The following SLIT2 variants were observed in gnomAD, a reference collection of about 807,000 sequenced individuals.
SLIT2 encodes the protein slit homolog 2 protein.
A neutral mutation model predicts 185.7 loss-of-function variants in SLIT2; 41 were observed. That is an observed-to-expected ratio of 0.22 (90% CI 0.17 to 0.29). SLIT2 has a LOEUF of 0.29. Ranked by LOEUF, SLIT2 falls within the 10% of genes least tolerant of loss-of-function variation. The pLI, the probability that SLIT2 is intolerant of heterozygous loss-of-function variation, is 1.00. For missense variants in SLIT2, 1,571 were observed against 1,909.0 expected (o/e 0.82, Z 3.30); for synonymous variants, 693 against 680.2 (o/e 1.02, Z -0.29).
chr4:20,274,517 G>C (rs190592541), intron 4 of SLIT2, among the ~76,000 whole-genome samples: 1 of 152,034 alleles, frequency 6.6e-6, no homozygotes, highest in Admixed American at 6.6e-5. Context: ...TGATTTAAAC[G>C]TCCTAAATCC....
intron 4 of SLIT2, among the ~76,000 whole-genome samples, chr4:20,311,059 T>A (rs1718061748): frequency 6.6e-6 from 1 of 152,208 alleles, no homozygotes; most frequent in South Asian, 2.1e-4. Flanking sequence ...AATTATTTTT[T>A]TAATTTTTTG....
At chr4:20,300,608 A>G (rs932231208) in intron 4 of SLIT2, among the ~76,000 whole-genome samples, 1 of 151,398 alleles carries the variant, frequency 6.6e-6, no homozygotes, top group Non-Finnish European at 1.5e-5. Context: ...AGACATGCAC[A>G]CACACACACA....
chr4:20,291,483 TATATATATA>T (rs1421674802), intron 4 of SLIT2, among the ~76,000 whole-genome samples: 17 of 10,520 alleles, frequency 1.6e-3, no homozygotes, highest in South Asian at 4.5e-3. Context: ...TATATATATA[TATATATATA>T]TTTTTTTTTT....
At chr4:20,471,224 C>T (rs1714969809) in intron 5 of SLIT2, among the ~76,000 whole-genome samples, 1 of 151,866 alleles carries the variant, frequency 6.6e-6, no homozygotes, top group African/African-American at 2.4e-5. Flanking sequence ...AAAAATAGTT[C>T]AAACTACATT....
At chr4:20,368,337 A>G (rs868474630) in intron 4 of SLIT2, among the ~76,000 whole-genome samples, 3 of 151,594 alleles carry the variant, frequency 2.0e-5, no homozygotes, top group Admixed American at 6.6e-5. Context: ...TAATAATAAT[A>G]AAATTTAAAA....
chr4:20,569,810 G>A (rs538815393), intron 29 of SLIT2, among the ~76,000 whole-genome samples: 20 of 152,012 alleles, frequency 1.3e-4, no homozygotes, highest in African/African-American at 2.6e-4. Context: ...CAAAGTTGCC[G>A]TTTTCATTTT....
At chr4:20,582,190 C>T (rs561201839) in intron 29 of SLIT2, among the ~76,000 whole-genome samples, 7 of 152,290 alleles carry the variant, frequency 4.6e-5, no homozygotes, top group South Asian at 4.1e-4. Flanking sequence ...CATGTTTTCC[C>T]GGGCTCACTC....
intron 29 of SLIT2, among the ~76,000 whole-genome samples, chr4:20,586,180 A>G (rs1374377121): frequency 6.6e-6 from 1 of 152,186 alleles, no homozygotes; most frequent in Admixed American, 6.5e-5. Flanking sequence ...CAATATAATT[A>G]AGGAAAATTA....
chr4:20,382,573 T>C (rs1288210166), intron 4 of SLIT2, among the ~76,000 whole-genome samples: 1 of 152,148 alleles, frequency 6.6e-6, no homozygotes, highest in African/African-American at 2.4e-5. Flanking sequence ...GATCAGAGAA[T>C]ACGAAATATA....
At chr4:20,587,186 T>G (rs1409495462) in intron 29 of SLIT2, among the ~76,000 whole-genome samples, 4 of 151,920 alleles carry the variant, frequency 2.6e-5, no homozygotes, top group African/African-American at 9.7e-5. Flanking sequence ...ACCCAGCTAA[T>G]TTTTGTATTT....
intron 4 of SLIT2, among the ~76,000 whole-genome samples, chr4:20,349,122 T>G (rs1343496550): frequency 6.6e-6 from 1 of 152,134 alleles, no homozygotes; most frequent in Admixed American, 6.6e-5. Context: ...ATATAGGAAT[T>G]CGGTGTGGAC....
At chr4:20,535,322 A>T (rs1328682035) in intron 18 of SLIT2, among the ~76,000 whole-genome samples, 3 of 151,876 alleles carry the variant, frequency 2.0e-5, no homozygotes, top group East Asian at 3.9e-4. Context: ...GAAAAGAAAG[A>T]TACTGAGGAA....
At chr4:20,399,759 G>A (rs576142981) in intron 4 of SLIT2, among the ~76,000 whole-genome samples, 1 of 151,832 alleles carries the variant, frequency 6.6e-6, no homozygotes, top group East Asian at 1.9e-4. Flanking sequence ...GTAAGAGGGT[G>A]TCTCTCCTAG....
intron 4 of SLIT2, among the ~76,000 whole-genome samples, chr4:20,303,761 G>A (rs914766300): frequency 1.3e-5 from 2 of 152,186 alleles, no homozygotes; most frequent in Admixed American, 6.5e-5. Context: ...CAGAGTGTAC[G>A]TGAATGTGGT....
At chr4:20,335,366 A>G (rs973451224) in intron 4 of SLIT2, among the ~76,000 whole-genome samples, 1 of 152,214 alleles carries the variant, frequency 6.6e-6, no homozygotes, top group African/African-American at 2.4e-5. Flanking sequence ...TTAAATCAAT[A>G]TAAAGTAGAA....
intron 5 of SLIT2, among the ~76,000 whole-genome samples, chr4:20,478,175 G>A (rs368864451): frequency 2.4e-4 from 36 of 152,114 alleles, no homozygotes; most frequent in African/African-American, 8.7e-4. Flanking sequence ...TCAAAAAATT[G>A]ACAGGTTAAT....
intron 4 of SLIT2, among the ~76,000 whole-genome samples, chr4:20,374,857 C>T (rs1029482731): frequency 6.6e-6 from 1 of 152,072 alleles, no homozygotes; most frequent in African/African-American, 2.4e-5. Context: ...CTTACGTTCA[C>T]TCGATACATT....
intron 4 of SLIT2, among the ~76,000 whole-genome samples, chr4:20,332,203 C>A (rs1462213275): frequency 6.6e-6 from 1 of 152,178 alleles, no homozygotes; most frequent in Non-Finnish European, 1.5e-5. Flanking sequence ...TGTACACACA[C>A]ATACACACAC....
At chr4:20,510,442 C>T (rs1719603120) in intron 9 of SLIT2, 53 bp from the exon 10 acceptor site, 3 of 1,104,176 alleles carry the variant, frequency 2.7e-6, no homozygotes, top group Admixed American at 3.4e-5. Context: ...TTGAATTAAA[C>T]ATGTCCGAAG....
Sources: allele counts gnomAD v4.1 joint callset (sites outside exome capture counted in the v4.1 genomes callset), GRCh38; gene constraint gnomAD v4.1.1; transcripts MANE v1.5; gene names NCBI Gene and HGNC (gene_info 2026-07-23, HGNC 2026-07-21).